The following SH3GL2 variants were observed in gnomAD, a reference collection of about 807,000 sequenced individuals.
The protein encoded by SH3GL2 is endophilin-A1.
A neutral mutation model predicts 46.0 loss-of-function variants in SH3GL2; 24 were observed. The ratio of observed to expected loss-of-function variants is 0.52; its 90% CI spans 0.38 to 0.73. SH3GL2 has a LOEUF of 0.73. SH3GL2 is among the 30% of genes least tolerant of loss of function. SH3GL2 has a pLI of 0.00. For synonymous variants in SH3GL2, 196 were observed against 147.1 expected, an observed-to-expected ratio of 1.33 and a Z score of -2.40; for missense variants, 413 against 424.2, an observed-to-expected ratio of 0.97 and a Z score of 0.23.
intron 1 of SH3GL2, among the ~76,000 whole-genome samples, chr9:17,613,556 G>GTCAT (rs1818915753): frequency 1.3e-5 from 2 of 152,202 alleles, no homozygotes; most frequent in South Asian, 4.1e-4. Context: ...TTCCCTTGGT[G>GTCAT]TCAGTGCTAA....
intron 1 of SH3GL2, among the ~76,000 whole-genome samples, chr9:17,714,136 T>A (rs1821693058): frequency 2.0e-5 from 3 of 151,754 alleles, no homozygotes; most frequent in Non-Finnish European, 4.4e-5. Flanking sequence ...ATGGTTTTGA[T>A]CCCTAGAAAT....
intron 1 of SH3GL2, among the ~76,000 whole-genome samples, chr9:17,580,355 A>G (rs941364989): frequency 6.6e-6 from 1 of 152,216 alleles, no homozygotes; most frequent in Non-Finnish European, 1.5e-5. Context: ...CTAGGCTACC[A>G]CAGTGGCAGC....
chr9:17,657,783 A>T (rs544866929), intron 1 of SH3GL2, among the ~76,000 whole-genome samples: 49 of 152,304 alleles, frequency 3.2e-4, no homozygotes, highest in African/African-American at 1.2e-3. Context: ...GGATTAAATG[A>T]GTTAAAATAT....
chr9:17,624,382 A>G (rs535185119), intron 1 of SH3GL2, among the ~76,000 whole-genome samples: 1 of 152,286 alleles, frequency 6.6e-6, no homozygotes, highest in South Asian at 2.1e-4. Context: ...AGTCAGTGCA[A>G]GATTTAGCAT....
intron 1 of SH3GL2, among the ~76,000 whole-genome samples, chr9:17,654,111 G>A (rs1281766263): frequency 6.6e-6 from 1 of 152,116 alleles, no homozygotes; most frequent in African/African-American, 2.4e-5. Flanking sequence ...GCAGACTGGG[G>A]GAGGGCAAGA....
At chr9:17,704,128 G>T (rs1340553719) in intron 1 of SH3GL2, among the ~76,000 whole-genome samples, 1 of 151,938 alleles carries the variant, frequency 6.6e-6, no homozygotes, top group Non-Finnish European at 1.5e-5. Context: ...AAAATCAGTG[G>T]CATTTCTGTA....
intron 1 of SH3GL2, among the ~76,000 whole-genome samples, chr9:17,675,586 G>C (rs772153668): frequency 1.3e-5 from 2 of 152,168 alleles, no homozygotes; most frequent in Admixed American, 6.5e-5. Context: ...AGTAAAAAAG[G>C]TGCCTTAAGG....
intron 2 of SH3GL2, among the ~76,000 whole-genome samples, chr9:17,756,774 C>T (rs56261658): frequency 0.014 from 2,185 of 151,854 alleles, 43 homozygotes; most frequent in African/African-American, 0.05. Flanking sequence ...TGAATAGTGC[C>T]GCAATAAACA....
intron 1 of SH3GL2, among the ~76,000 whole-genome samples, chr9:17,687,483 A>T (rs1201317373): frequency 6.6e-6 from 1 of 151,924 alleles, no homozygotes; most frequent in Admixed American, 6.6e-5. Context: ...GTTCAATACA[A>T]ACTTTTTTAA....
intron 1 of SH3GL2, among the ~76,000 whole-genome samples, chr9:17,641,613 C>A (rs1306492518): frequency 6.6e-6 from 1 of 152,028 alleles, no homozygotes; most frequent in Admixed American, 6.6e-5. Flanking sequence ...CTGACAGGCC[C>A]CAGTGTGTGA....
At chr9:17,602,308 G>A (rs780023624) in intron 1 of SH3GL2, among the ~76,000 whole-genome samples, 3 of 152,298 alleles carry the variant, frequency 2.0e-5, no homozygotes, top group Non-Finnish European at 1.5e-5. Context: ...TCCAAAAGGC[G>A]AAAGTAATGA....
chr9:17,786,264 C>A lies in SH3GL2; in HGVS notation c.188-117C>A, dbSNP rs1823953833. ...AGAACACTGGAGCGTACTGAAGGTA[C>A]ACTTATCAGTAGCTGAGCTACTTTG... On this transcript the variant is annotated intron_variant, in intron 3 of 8. Transcript: ENST00000380607. 4 of 880,144 alleles carry A rather than the reference C, an allele frequency of 4.5e-6. No homozygotes were observed. The African/African-American group carries it at 6.8e-5, about 15-fold the overall frequency. The allele number at this position is 880,144 out of a possible 1,614,324, so 54.5% of individuals were successfully genotyped here.
intron 1 of SH3GL2, among the ~76,000 whole-genome samples, chr9:17,623,090 T>TTCCCCC: frequency 8.1e-6 from 1 of 124,146 alleles, no homozygotes; most frequent in Non-Finnish European, 1.6e-5. Flanking sequence ...CCCCTTCCCC[T>TTCCCCC]TTCCTATCTT....
chr9:17,641,458 T>C (rs183423219), intron 1 of SH3GL2, among the ~76,000 whole-genome samples: 35 of 152,354 alleles, frequency 2.3e-4, no homozygotes, highest in African/African-American at 8.4e-4. Context: ...ATTTTTATTA[T>C]ACTTTAAGTT....
intron 3 of SH3GL2, among the ~76,000 whole-genome samples, chr9:17,776,023 C>T (rs1308864399): frequency 1.3e-5 from 2 of 152,154 alleles, no homozygotes; most frequent in Non-Finnish European, 2.9e-5. Context: ...AAGTGATTTA[C>T]AAAAGGTCTT....
intron 1 of SH3GL2, among the ~76,000 whole-genome samples, chr9:17,611,413 G>T (rs3808759): frequency 7.2e-5 from 11 of 151,854 alleles, no homozygotes; most frequent in Non-Finnish European, 1.5e-4. Context: ...CTTATCCTTG[G>T]GGCATTACAA....
chr9:17,609,053 A>G (rs1265144570), intron 1 of SH3GL2, among the ~76,000 whole-genome samples: 1 of 152,214 alleles, frequency 6.6e-6, no homozygotes, highest in Non-Finnish European at 1.5e-5. Flanking sequence ...TGGGGGATCC[A>G]GAGCTGATGA....
At position 17,605,103 on chromosome 9, in the gene SH3GL2, G is replaced by T. The variant is rs189170819; in HGVS notation, c.45+25816G>T. 2.0e-5 allele frequency among the ~76,000 whole-genome samples: 3 copies of T among 151,672 alleles called. No homozygotes were observed. In the East Asian group the frequency reaches 5.8e-4, roughly 30 times the overall value. On this transcript the variant is annotated intron_variant, in intron 1 of 8. Coordinates refer to ENST00000380607, the MANE Select transcript of SH3GL2 (RefSeq NM_003026.5). ...TCCTCTCACCTTAGCCTCCCGAGTA[G>T]CTGGGAATACAGGCATTCACCACCA...
chr9:17,714,116 G>A (rs1821692812), intron 1 of SH3GL2, among the ~76,000 whole-genome samples: 1 of 151,590 alleles, frequency 6.6e-6, no homozygotes, highest in Admixed American at 6.6e-5. Context: ...CCCTTTATTA[G>A]TATGAAATGA....
Sources: allele counts gnomAD v4.1 joint callset (sites outside exome capture counted in the v4.1 genomes callset), GRCh38; gene constraint gnomAD v4.1.1; transcripts MANE v1.5; gene names NCBI Gene and HGNC (gene_info 2026-07-23, HGNC 2026-07-21).